Variants in KALRN observed in about 807,000 individuals in gnomAD.
The protein encoded by KALRN is kalirin RhoGEF kinase, also known as kalirin.
KALRN carries 70 observed loss-of-function variants against 353.7 expected under a neutral mutation model. The observed-to-expected ratio is 0.20, with a 90% confidence interval of 0.16 to 0.24. The LOEUF (loss-of-function observed/expected upper bound fraction) is 0.24, where lower values mean the gene tolerates loss of function less well. Among genes scored for constraint, KALRN ranks in the 10% least tolerant of loss-of-function variants. KALRN has a pLI of 1.00. For missense variants in KALRN, 2,791 were observed against 3,756.7 expected, an observed-to-expected ratio of 0.74 and a Z score of 6.72; for synonymous variants, 1,391 against 1,434.8, an observed-to-expected ratio of 0.97 and a Z score of 0.69.
At chr3:124,158,745 C>T (rs1041557493) in intron 1 of KALRN, among the ~76,000 whole-genome samples, 1 of 152,276 alleles carries the variant, frequency 6.6e-6, no homozygotes, top group East Asian at 1.9e-4. Context: ...CGGAAGATTA[C>T]GGCAATGGAT....
chr3:124,610,623 T>C (rs896945907), intron 34 of KALRN, among the ~76,000 whole-genome samples: 3 of 135,216 alleles, frequency 2.2e-5, no homozygotes, highest in Admixed American at 2.1e-4. Flanking sequence ...TCTCTAGATA[T>C]TAACTAACCC....
At chr3:124,636,767 C>G (rs2081390975) in intron 36 of KALRN, among the ~76,000 whole-genome samples, 1 of 152,132 alleles carries the variant, frequency 6.6e-6, no homozygotes, top group Admixed American at 6.5e-5. Flanking sequence ...AGGACTGTTT[C>G]CCTTTTTTGG....
chr3:124,477,995 G>A (rs1261966434), intron 27 of KALRN, among the ~76,000 whole-genome samples: 1 of 152,186 alleles, frequency 6.6e-6, no homozygotes, highest in African/African-American at 2.4e-5. Context: ...GAAGAGTGAG[G>A]CTGATGTGCC....
At chr3:124,140,794 CG>C (rs137928461) in intron 1 of KALRN, among the ~76,000 whole-genome samples, 204 of 151,810 alleles carry the variant, frequency 1.3e-3, no homozygotes, top group African/African-American at 4.5e-3. Flanking sequence ...CTTGCCCTCC[CG>C]GGGGGGGCAC....
chr3:124,579,923 G>A (rs973095947), intron 34 of KALRN, among the ~76,000 whole-genome samples: 3 of 152,140 alleles, frequency 2.0e-5, no homozygotes, highest in Non-Finnish European at 2.9e-5. Flanking sequence ...AGTAGAGGGT[G>A]GACAAGGGGA....
intron 33 of KALRN, among the ~76,000 whole-genome samples, chr3:124,518,048 G>A (rs1256518973): frequency 2.0e-5 from 3 of 152,092 alleles, no homozygotes; most frequent in African/African-American, 7.2e-5. Context: ...CTGGAACGTT[G>A]GGAAGCCACT....
At chr3:124,115,528 A>C (rs2063374617) in intron 1 of KALRN, among the ~76,000 whole-genome samples, 1 of 151,992 alleles carries the variant, frequency 6.6e-6, no homozygotes, top group African/African-American at 2.4e-5. Context: ...GTTGGAAGAG[A>C]GCTTCTGTTC....
At chr3:124,584,551 A>T in intron 34 of KALRN, 1 of 1,189,914 alleles carries the variant, frequency 8.4e-7, no homozygotes, top group Non-Finnish European at 1.1e-6. Flanking sequence ...GCGTTACATG[A>T]GGCTCCGGCC....
At chr3:124,413,300 T>C (rs1311574311) in intron 13 of KALRN, among the ~76,000 whole-genome samples, 170 bp from the exon 14 acceptor site, 1 of 152,216 alleles carries the variant, frequency 6.6e-6, no homozygotes, top group African/African-American at 2.4e-5. Context: ...GAGCCATGTA[T>C]ACAAGAGTGC....
intron 13 of KALRN, among the ~76,000 whole-genome samples, chr3:124,406,539 AAAATAATGATGTCAT>A (rs1266724288): frequency 4.6e-5 from 7 of 152,210 alleles, no homozygotes; most frequent in Non-Finnish European, 1.0e-4. Flanking sequence ...CATCTTCACA[AAAATAATGATGTCAT>A]AAAACAGAAA....
At chr3:124,599,139 GTAT>G (rs1302799196) in intron 34 of KALRN, among the ~76,000 whole-genome samples, 1 of 152,194 alleles carries the variant, frequency 6.6e-6, no homozygotes, top group Non-Finnish European at 1.5e-5. Flanking sequence ...CCGCAAGTGG[GTAT>G]TATTTGTGTT....
At chr3:124,492,918 C>G (rs371794949) in intron 32 of KALRN, 36 bp downstream of exon 32, 3 of 1,604,120 alleles carry the variant, frequency 1.9e-6, no homozygotes, top group Non-Finnish European at 2.6e-6. Flanking sequence ...CTGCCTGCCT[C>G]ACAGGCTTCC....
intron 10 of KALRN, among the ~76,000 whole-genome samples, chr3:124,356,323 CTTTTTCTTTTTCTT>C (rs1243584616): frequency 1.2e-5 from 1 of 84,412 alleles, no homozygotes; most frequent in African/African-American, 4.4e-5. Flanking sequence ...TTTTTTTTTT[CTTTTTCTTTTTCTT>C]TTTTTTTTTT....
At chr3:124,539,899 C>T (rs915716606) in intron 33 of KALRN, among the ~76,000 whole-genome samples, 4 of 142,654 alleles carry the variant, frequency 2.8e-5, no homozygotes, top group African/African-American at 1.1e-4. Flanking sequence ...AGGCATGCAT[C>T]ACCACACCAA....
chr3:124,457,652 T>G (rs1428592669), intron 23 of KALRN, among the ~76,000 whole-genome samples: 1 of 152,228 alleles, frequency 6.6e-6, no homozygotes, highest in Non-Finnish European at 1.5e-5. Context: ...CAGGCAGCTA[T>G]GATTATTCCC....
chr3:124,339,507 A>G (rs1383662639), intron 9 of KALRN, among the ~76,000 whole-genome samples: 1 of 152,176 alleles, frequency 6.6e-6, no homozygotes, highest in Non-Finnish European at 1.5e-5. Flanking sequence ...GGGCATTTCA[A>G]GTGGTGCCTG....
In KALRN at chr3:124,227,697, T is replaced by G. The variant is rs938665530; in HGVS notation, c.74-293T>G. On this transcript the variant is annotated intron_variant, in intron 1 of 59. Coordinates refer to ENST00000682506, the MANE Select transcript of KALRN (RefSeq NM_001388419.1). ...TTTTTTTTTTTTTTTTTTTTTTTTT[T>G]TTTTTTTTGCCCCCACTGCATGGAG... Among the ~76,000 whole-genome samples the G allele has an allele frequency of 2.0e-4, 14 of 70,020 alleles. No homozygotes were observed. In the East Asian group the frequency reaches 3.8e-3, roughly 19 times the overall value. 45.9% of individuals were successfully genotyped at this position (70,020 alleles called of 152,430 possible).
intron 1 of KALRN, among the ~76,000 whole-genome samples, chr3:124,076,537 G>A (rs1444877276): frequency 1.3e-5 from 2 of 152,186 alleles, no homozygotes; most frequent in East Asian, 1.9e-4. Flanking sequence ...CTCCTCGGAG[G>A]AGCCCGCATC....
intron 49 of KALRN, chr3:124,675,377 A>G (rs9849869): frequency 6.6e-6 from 1 of 152,232 alleles, no homozygotes; most frequent in Non-Finnish European, 1.5e-5. Context: ...GTTTAAATGT[A>G]CTATTTTAAA....
Sources: allele counts gnomAD v4.1 joint callset (sites outside exome capture counted in the v4.1 genomes callset), GRCh38; gene constraint gnomAD v4.1.1; transcripts MANE v1.5; gene names NCBI Gene and HGNC (gene_info 2026-07-23, HGNC 2026-07-21).